Variants in ADAMTS12 observed in about 807,000 individuals in gnomAD.
ADAMTS12 encodes the protein A disintegrin and metalloproteinase with thrombospondin motifs 12.
A neutral mutation model predicts 167.8 loss-of-function variants in ADAMTS12; 118 were observed. That is an observed-to-expected ratio of 0.70 (90% CI 0.61 to 0.82). ADAMTS12 has a LOEUF of 0.82. Ranked by LOEUF, ADAMTS12 falls within the 40% of genes least tolerant of loss-of-function variation. The pLI is 0.00. For missense variants in ADAMTS12, 1,916 were observed against 1,998.8 expected, an observed-to-expected ratio of 0.96 and a Z score of 0.79; for synonymous variants, 704 against 716.9, an observed-to-expected ratio of 0.98 and a Z score of 0.29.
chr5:33,867,695 G>A (rs1745748237), intron 2 of ADAMTS12, among the ~76,000 whole-genome samples: 1 of 152,118 alleles, frequency 6.6e-6, no homozygotes, highest in Admixed American at 6.6e-5. Flanking sequence ...AATGTTGGGT[G>A]TACTGTTATA....
intron 3 of ADAMTS12, among the ~76,000 whole-genome samples, chr5:33,719,320 TTG>T (rs1382291325): frequency 3.9e-5 from 6 of 152,004 alleles, no homozygotes. Flanking sequence ...CAAGAGGACT[TTG>T]TTTCTCCCAA....
intron 3 of ADAMTS12, among the ~76,000 whole-genome samples, chr5:33,740,236 A>G (rs1313319207): frequency 6.6e-6 from 1 of 152,242 alleles, no homozygotes; most frequent in Non-Finnish European, 1.5e-5. Context: ...AAGACTAAAA[A>G]GAATAATAAA....
rs767777279 is a variant in ADAMTS12, at chr5:33,527,225, C to T, written c.4748G>A (p.Arg1583Lys). 5.0e-6 allele frequency: 8 copies of T among 1,614,072 alleles called. No individual in the cohort carries two copies. The highest frequency in any genetic ancestry group is 6.8e-6 in the Non-Finnish European group (8 of 1,180,010). ...QTHITHTQRQ[R>K]RQRLLQKSKE... ...TGACTTTTGGAGCAACCGTTGCCTT[C>T]TTTGCCTTTGGGTGTGTGTGATGTG... The change falls in exon 24 of 24, where the codon AGA (arginine) becomes AAA (lysine). Residue 1583 changes from arginine to lysine, a missense_variant. Coordinates refer to ENST00000504830, the MANE Select transcript of ADAMTS12 (RefSeq NM_030955.4).
chr5:33,769,248 C>T (rs1745654995), intron 2 of ADAMTS12, among the ~76,000 whole-genome samples: 1 of 152,122 alleles, frequency 6.6e-6, no homozygotes, highest in Admixed American at 6.5e-5. Flanking sequence ...GATTTTGACT[C>T]ACTGAGACCC....
rs912645955 is a variant in ADAMTS12, at chr5:33,751,381, G to A, written c.634+23C>T. ...AGAACAAAACAGATTCTTCAACCCA[G>A]GAGGACATGTGAGTCACAATACCCT... On this transcript the variant is annotated intron_variant, in intron 3 of 23. Coordinates refer to ENST00000504830, the MANE Select transcript of ADAMTS12 (RefSeq NM_030955.4). 5 of 1,613,946 alleles carry A rather than the reference G, an allele frequency of 3.1e-6. No homozygotes were observed. In the Admixed American group the frequency reaches 5.0e-5, roughly 16 times the overall value.
At chr5:33,841,846 A>C (rs1748756835) in intron 2 of ADAMTS12, among the ~76,000 whole-genome samples, 1 of 152,158 alleles carries the variant, frequency 6.6e-6, no homozygotes, top group South Asian at 2.1e-4. Context: ...TCTGGGAGAG[A>C]AGTAATTTTT....
chr5:33,578,292 A>G (rs1024816090), intron 18 of ADAMTS12, among the ~76,000 whole-genome samples: 10 of 152,176 alleles, frequency 6.6e-5, no homozygotes, highest in African/African-American at 2.4e-4. Flanking sequence ...TCCCTATGAG[A>G]TGTACAAGGC....
rs1443994239 is a variant in ADAMTS12, at chr5:33,683,872, G to T, written c.818C>A (p.Thr273Asn). 2 of 1,542,316 alleles carry T rather than the reference G, an allele frequency of 1.3e-6. No homozygotes were observed. The highest frequency in any genetic ancestry group is 1.4e-5 in the African/African-American group (1 of 72,718). The change falls in exon 4 of 24, where the codon ACC becomes AAC. Residue 273 changes from threonine (T) to asparagine (N), a missense_variant. Physicochemically the swap from Thr to Asn is moderately conservative, Grantham distance 65 (BLOSUM62 0). Transcript: ENST00000504830. The stretch of plus-strand genomic sequence containing the variant: ...AGTCTGGCATACCATGTTCATGATG[G>T]TGAGGATGTAGGACTCCACATTCTC... Reference protein sequence around the residue: ...GSENVESYILTIMNMVTGLFH... With the variant: ...GSENVESYILNIMNMVTGLFH...
chr5:33,845,624 C>G (rs1257344714), intron 2 of ADAMTS12, among the ~76,000 whole-genome samples: 1 of 152,130 alleles, frequency 6.6e-6, no homozygotes, highest in Non-Finnish European at 1.5e-5. Context: ...AAAGCATTTT[C>G]CCTCAAATGT....
At chr5:33,604,684 T>C (rs979396616) in intron 16 of ADAMTS12, among the ~76,000 whole-genome samples, 3 of 151,988 alleles carry the variant, frequency 2.0e-5, no homozygotes, top group Non-Finnish European at 2.9e-5. Flanking sequence ...ATATTGTCAA[T>C]GTCACCATGA....
chr5:33,622,534 G>T (rs761009402), intron 14 of ADAMTS12, among the ~76,000 whole-genome samples: 5 of 152,070 alleles, frequency 3.3e-5, no homozygotes, highest in Non-Finnish European at 7.4e-5. Flanking sequence ...TGCACCTGTA[G>T]TCCCAGCTAC....
At chr5:33,726,907 A>G (rs1158857235) in intron 3 of ADAMTS12, among the ~76,000 whole-genome samples, 1 of 152,176 alleles carries the variant, frequency 6.6e-6, no homozygotes, top group Non-Finnish European at 1.5e-5. Flanking sequence ...TTGGACGGCC[A>G]GATCCAGGAA....
chr5:33,540,383 T>C (rs1270448277), intron 22 of ADAMTS12, among the ~76,000 whole-genome samples: 1 of 152,268 alleles, frequency 6.6e-6, no homozygotes, highest in Non-Finnish European at 1.5e-5. Context: ...GGGCAGGGCA[T>C]AGCTGAACAA....
intron 20 of ADAMTS12, among the ~76,000 whole-genome samples, chr5:33,558,835 C>A (rs1745604016): frequency 6.6e-6 from 1 of 152,142 alleles, no homozygotes; most frequent in Non-Finnish European, 1.5e-5. Flanking sequence ...AAGTTGTAGC[C>A]AAACTTTCAG....
chr5:33,678,211 C>T (rs1417835241), intron 5 of ADAMTS12, among the ~76,000 whole-genome samples: 1 of 152,188 alleles, frequency 6.6e-6, no homozygotes, highest in Non-Finnish European at 1.5e-5. Flanking sequence ...AGGATTAGAT[C>T]CAAAGTCCTT....
intron 22 of ADAMTS12, among the ~76,000 whole-genome samples, chr5:33,539,622 T>C (rs1434989817): frequency 6.6e-6 from 1 of 152,194 alleles, no homozygotes; most frequent in Non-Finnish European, 1.5e-5. Context: ...GGTCAACTTT[T>C]AGCAGACTTA....
intron 3 of ADAMTS12, among the ~76,000 whole-genome samples, chr5:33,696,295 C>A (rs1429677308): frequency 6.6e-6 from 1 of 151,410 alleles, no homozygotes; most frequent in Non-Finnish European, 1.5e-5. Flanking sequence ...GTGGCGGGCG[C>A]CTGTAGTCCC....
At chr5:33,841,742 C>G (rs1008535678) in intron 2 of ADAMTS12, among the ~76,000 whole-genome samples, 7 of 152,206 alleles carry the variant, frequency 4.6e-5, no homozygotes, top group African/African-American at 1.7e-4. Flanking sequence ...ATCAATGGGA[C>G]TGCTATGCTA....
At chr5:33,798,748 T>C (rs976142415) in intron 2 of ADAMTS12, among the ~76,000 whole-genome samples, 1 of 152,162 alleles carries the variant, frequency 6.6e-6, no homozygotes, top group Admixed American at 6.5e-5. Context: ...CGGCTTCTTA[T>C]AAGAATTGTG....
Sources: gnomAD v4.1 joint callset for allele counts (sites outside exome capture counted in the v4.1 genomes callset) on GRCh38, gnomAD v4.1.1 for gene constraint, MANE v1.5 for transcripts, NCBI Gene and HGNC (gene_info 2026-07-23, HGNC 2026-07-21) for gene names.